GTF2IRD1: variants seen among roughly 807,000 people sequenced by gnomAD.
GTF2IRD1 encodes GTF2I repeat domain containing 1.
A neutral mutation model predicts 113.2 loss-of-function variants in GTF2IRD1; 26 were observed. The ratio of observed to expected loss-of-function variants is 0.23; its 90% CI spans 0.17 to 0.32. The LOEUF (loss-of-function observed/expected upper bound fraction) is 0.32, where lower values mean the gene tolerates loss of function less well. Among genes scored for constraint, GTF2IRD1 ranks in the 10% least tolerant of loss-of-function variants. The pLI is 1.00. For synonymous variants in GTF2IRD1, 484 were observed against 529.1 expected (o/e 0.91, Z 1.17); for missense variants, 864 against 1,280.8 (o/e 0.67, Z 4.97).
intron 1 of GTF2IRD1, among the ~76,000 whole-genome samples, chr7:74,505,641 G>A (rs1211355064): frequency 6.6e-6 from 1 of 152,228 alleles, no homozygotes; most frequent in Non-Finnish European, 1.5e-5. Context: ...GCCCTGATTC[G>A]ATTTGGGCCT....
chr7:74,565,204 C>T (rs1554360315), intron 22 of GTF2IRD1, among the ~76,000 whole-genome samples: 1 of 152,164 alleles, frequency 6.6e-6, no homozygotes, highest in African/African-American at 2.4e-5. Context: ...CAGGCCACAC[C>T]CACCTGCCTG....
intron 22 of GTF2IRD1, among the ~76,000 whole-genome samples, chr7:74,577,498 C>T (rs1266935052): frequency 1.3e-5 from 2 of 152,148 alleles, no homozygotes; most frequent in Non-Finnish European, 2.9e-5. Flanking sequence ...CCTAAGAAAA[C>T]ACTGTTATCT....
At chr7:74,525,147 A>T (rs1246429104) in intron 8 of GTF2IRD1, among the ~76,000 whole-genome samples, 2 of 151,386 alleles carry the variant, frequency 1.3e-5, no homozygotes, top group Non-Finnish European at 2.9e-5. Flanking sequence ...ACCATTTCCC[A>T]CCTCCCAGCT....
chr7:74,572,809 T>A (rs1800773124), intron 22 of GTF2IRD1, among the ~76,000 whole-genome samples: 1 of 152,132 alleles, frequency 6.6e-6, no homozygotes, highest in Admixed American at 6.6e-5. Context: ...TTATCTCTGC[T>A]TGTCTTTGTT....
At chr7:74,595,363 G>A (rs1241982018) in intron 25 of GTF2IRD1, among the ~76,000 whole-genome samples, 1 of 149,996 alleles carries the variant, frequency 6.7e-6, no homozygotes, top group East Asian at 2.0e-4. Flanking sequence ...CTGAGATCGC[G>A]CCCCTGCACT....
intron 1 of GTF2IRD1, among the ~76,000 whole-genome samples, chr7:74,478,487 G>A (rs1554333950): frequency 6.6e-6 from 1 of 152,056 alleles, no homozygotes; most frequent in East Asian, 1.9e-4. Flanking sequence ...ACAGGGTCTT[G>A]CTCTGTCACC....
intron 1 of GTF2IRD1, among the ~76,000 whole-genome samples, chr7:74,461,647 C>T (rs111956510): frequency 0.01 from 1,585 of 152,168 alleles, 24 homozygotes; most frequent in African/African-American, 0.035. Context: ...GGCGCGATCT[C>T]GGCTCGCTGC....
intron 14 of GTF2IRD1, among the ~76,000 whole-genome samples, chr7:74,542,072 G>A (rs1798666989): frequency 6.6e-6 from 1 of 151,704 alleles, no homozygotes; most frequent in Non-Finnish European, 1.5e-5. Flanking sequence ...CTCCAGTCTG[G>A]GTGCCACAGC....
intron 1 of GTF2IRD1, among the ~76,000 whole-genome samples, chr7:74,476,059 A>G (rs1331625651): frequency 6.6e-6 from 1 of 152,140 alleles, no homozygotes; most frequent in African/African-American, 2.4e-5. Context: ...ACCTGTACAA[A>G]ACAGCCTCTT....
chr7:74,478,451 T>TTG (rs150478733), intron 1 of GTF2IRD1, among the ~76,000 whole-genome samples: 171 of 151,026 alleles, frequency 1.1e-3, no homozygotes, highest in South Asian at 2.1e-3. Flanking sequence ...AGTTTGAGCA[T>TTG]TGTGTGTGTG....
chr7:74,456,315 A>G (rs925911319), intron 1 of GTF2IRD1, among the ~76,000 whole-genome samples: 1 of 152,164 alleles, frequency 6.6e-6, no homozygotes, highest in Admixed American at 6.5e-5. Flanking sequence ...TTGGAACCAT[A>G]GACTGCAGCT....
rs143922754 is a variant in GTF2IRD1 at position 74,509,829 on chromosome 7, C to A, written c.123+1626C>A. On this transcript the variant is annotated intron_variant, in intron 2 of 26. Transcript: ENST00000424337. ...CTGGGACTACAGGCCCCCACCACCACACGTGGCCAGATAATTTTTGTACTT... is the reference window on the plus strand; with the variant it reads ...CTGGGACTACAGGCCCCCACCACCAAACGTGGCCAGATAATTTTTGTACTT... 1.2e-3 allele frequency among the ~76,000 whole-genome samples: 175 copies of A among 152,110 alleles called. 1 individual carries two copies. Among genetic ancestry groups the A allele is most frequent in the Middle Eastern group, 6.8e-3 (2 of 294 alleles).
At chr7:74,469,451 C>T (rs1793955577) in intron 1 of GTF2IRD1, among the ~76,000 whole-genome samples, 1 of 152,084 alleles carries the variant, frequency 6.6e-6, no homozygotes, top group African/African-American at 2.4e-5. Flanking sequence ...TCCCCCATCC[C>T]CTGGCAACCA....
chr7:74,497,418 C>A (rs561861886), intron 1 of GTF2IRD1, among the ~76,000 whole-genome samples: 105 of 152,210 alleles, frequency 6.9e-4, no homozygotes, highest in African/African-American at 2.4e-3. Flanking sequence ...TGTGCACCAC[C>A]ACACCCAGCT....
Position 74,596,334 on chromosome 7 carries a change from G to A in GTF2IRD1, c.2629+1283G>A, listed in dbSNP as rs587661653. Among the ~76,000 whole-genome samples, 10 of 151,784 alleles carry A rather than the reference G, an allele frequency of 6.6e-5. No homozygotes were observed. The South Asian group carries it at 1.7e-3, about 25-fold the overall frequency. On this transcript the variant is annotated intron_variant, in intron 25 of 26. Transcript: ENST00000424337. ...AAATTAGCCAGGCATGGTGGCACGT[G>A]CCTGTAATCCCAGCTACTTGGGGGC...
At chr7:74,459,357 C>T (rs1440322975) in intron 1 of GTF2IRD1, among the ~76,000 whole-genome samples, 1 of 151,984 alleles carries the variant, frequency 6.6e-6, no homozygotes, top group African/African-American at 2.4e-5. Context: ...GCTCGGGAGG[C>T]TGAGGCAAGA....
intron 26 of GTF2IRD1, 167 bp downstream of exon 26, chr7:74,601,347 C>T: frequency 1.3e-6 from 2 of 1,531,398 alleles, no homozygotes; most frequent in South Asian, 1.2e-5. Context: ...CCTGTCTCAC[C>T]CAAGAGGTAG....
chr7:74,549,255 A>C (rs1196050256), intron 17 of GTF2IRD1, among the ~76,000 whole-genome samples: 1 of 150,932 alleles, frequency 6.6e-6, no homozygotes, highest in Admixed American at 6.7e-5. Flanking sequence ...CTGAGCTGAG[A>C]TCGTACCACG....
intron 17 of GTF2IRD1, among the ~76,000 whole-genome samples, chr7:74,547,745 TTCTC>T (rs1209345446): frequency 2.7e-5 from 4 of 149,642 alleles, no homozygotes; most frequent in Admixed American, 1.3e-4. Context: ...GGCCTTTCTT[TTCTC>T]TCTCTCTTTT....
Sources: allele counts gnomAD v4.1 joint callset (sites outside exome capture counted in the v4.1 genomes callset), GRCh38; gene constraint gnomAD v4.1.1; transcripts MANE v1.5; gene names NCBI Gene and HGNC (gene_info 2026-07-23, HGNC 2026-07-21).